The following NIBAN1 variants were observed in gnomAD, a reference collection of about 807,000 sequenced individuals.
The protein encoded by NIBAN1 is protein Niban 1.
A neutral mutation model predicts 75.1 loss-of-function variants in NIBAN1; 81 were observed. The observed-to-expected ratio is 1.08, with a 90% CI of 0.90 to 1.30. NIBAN1 has a LOEUF of 1.30. NIBAN1 is among the 50% of genes most tolerant of loss of function. The probability of loss-of-function intolerance (pLI) is 0.00; values close to 1 mark genes in which losing one functional copy is unlikely to be tolerated. For synonymous variants in NIBAN1, 436 were observed against 424.8 expected, an observed-to-expected ratio of 1.03 and a Z score of -0.32; for missense variants, 1,133 against 1,128.1, an observed-to-expected ratio of 1.00 and a Z score of -0.06.
intron 1 of NIBAN1, among the ~76,000 whole-genome samples, chr1:184,936,344 T>G (rs1459082783): frequency 6.6e-6 from 1 of 152,176 alleles, no homozygotes; most frequent in Non-Finnish European, 1.5e-5. Flanking sequence ...GAGCAAGCTT[T>G]CCAAGGGAAG....
chr1:184,843,731 G>A (rs1655360178), intron 5 of NIBAN1, among the ~76,000 whole-genome samples: 2 of 152,166 alleles, frequency 1.3e-5, no homozygotes, highest in Non-Finnish European at 2.9e-5. Context: ...ATTATTTATG[G>A]AGATGCTGCT....
chr1:184,830,192 G>T (rs934907337), intron 6 of NIBAN1, among the ~76,000 whole-genome samples: 2 of 152,204 alleles, frequency 1.3e-5, no homozygotes, highest in African/African-American at 4.8e-5. Context: ...CATCTCATAA[G>T]ATTGGCAAGA....
In NIBAN1 at chr1:184,823,706, T is replaced by G; in HGVS notation, c.754A>C (p.Thr252Pro). The G allele has an allele frequency of 8.7e-6, 14 of 1,614,120 alleles. No individual in the cohort carries two copies. The highest frequency in any genetic ancestry group is 1.2e-5 in the Non-Finnish European group (14 of 1,179,976). ...TTAGGCAGCAGGTCTGTCTGAAGAG[T>G]GGGCAGGAGCTCCTCCATCACCAGG... ...SNLVMEELLPTLQTDLLPKMK... is the reference protein window; with the variant it reads ...SNLVMEELLPPLQTDLLPKMK... Residue 252 changes from threonine to proline, a missense_variant, in exon 7 of 14, where the codon ACT becomes CCT. Transcript: ENST00000367511.
chr1:184,922,728 T>C (rs1571576568), intron 1 of NIBAN1, among the ~76,000 whole-genome samples: 1 of 152,188 alleles, frequency 6.6e-6, no homozygotes, highest in Non-Finnish European at 1.5e-5. Context: ...TGCCTCAGCC[T>C]CCCAAGTAGC....
chr1:184,894,324 G>T, intron 2 of NIBAN1, 118 bp from the exon 3 acceptor site: 1 of 1,134,880 alleles, frequency 8.8e-7, no homozygotes, highest in East Asian at 3.0e-5. Flanking sequence ...CTGAGATCCT[G>T]GGGAAACTGT....
intron 1 of NIBAN1, among the ~76,000 whole-genome samples, chr1:184,921,503 C>CA (rs1404971819): frequency 1.3e-5 from 2 of 152,086 alleles, no homozygotes; most frequent in Non-Finnish European, 2.9e-5. Context: ...CCCATAGATA[C>CA]AAATTTTTCC....
chr1:184,907,466 A>G (rs1470571974), intron 1 of NIBAN1, among the ~76,000 whole-genome samples: 1 of 152,200 alleles, frequency 6.6e-6, no homozygotes, highest in Non-Finnish European at 1.5e-5. Flanking sequence ...TAGATTTAAT[A>G]TTTATAAAAG....
chr1:184,887,272 C>T (rs1322430795), intron 4 of NIBAN1, among the ~76,000 whole-genome samples: 1 of 152,110 alleles, frequency 6.6e-6, no homozygotes, highest in African/African-American at 2.4e-5. Flanking sequence ...CAGGACCTAG[C>T]ACAATGCTGG....
chr1:184,816,291 C>T (rs533893497), intron 9 of NIBAN1, among the ~76,000 whole-genome samples: 1 of 152,270 alleles, frequency 6.6e-6, no homozygotes, highest in South Asian at 2.1e-4. Context: ...TTGCATGTAG[C>T]CATCTCTAGG....
At position 184,831,717 on chromosome 1, in the gene NIBAN1, G is replaced by T. The variant is rs868032488; in HGVS notation, c.717+130C>A. 124 of 665,938 alleles carry T rather than the reference G, an allele frequency of 1.9e-4. 1 individual carries two copies. Among genetic ancestry groups the T allele is most frequent in the South Asian group, 1.5e-3 (79 of 52,534 alleles). The allele number at this position is 665,938 out of a possible 1,614,324, so 41.3% of individuals were successfully genotyped here. On this transcript the variant is annotated intron_variant, in intron 6 of 13. Coordinates refer to ENST00000367511, the MANE Select transcript of NIBAN1 (RefSeq NM_052966.4). ...GACCAATGCTTGCAGACATGAGAGAGATGGTCTTTGGAACCACATCTTCCA... is the reference window on the plus strand; with the variant it reads ...GACCAATGCTTGCAGACATGAGAGATATGGTCTTTGGAACCACATCTTCCA...
At chr1:184,917,202 CT>C (rs34437861) in intron 1 of NIBAN1, among the ~76,000 whole-genome samples, 59,177 of 137,380 alleles carry the variant, frequency 0.43, 12,609 homozygotes, top group South Asian at 0.53. Flanking sequence ...ATCTCTTCCA[CT>C]TTTTTTTTTT....
At chr1:184,897,779 A>G (rs183244100) in intron 2 of NIBAN1, among the ~76,000 whole-genome samples, 1 of 152,338 alleles carries the variant, frequency 6.6e-6, no homozygotes, top group African/African-American at 2.4e-5. Flanking sequence ...CCAAGAAGTC[A>G]TCACTGATTT....
chr1:184,924,967 C>T (rs1406127962), intron 1 of NIBAN1, among the ~76,000 whole-genome samples: 1 of 151,848 alleles, frequency 6.6e-6, no homozygotes, highest in African/African-American at 2.4e-5. Context: ...TTTCAAAAAC[C>T]CCACTTTTTG....
At chr1:184,803,494 G>C in intron 12 of NIBAN1, 91 bp downstream of exon 12, 1 of 947,356 alleles carries the variant, frequency 1.1e-6, no homozygotes, top group South Asian at 1.4e-5. Context: ...CCCTGGTCTA[G>C]TCTGCTGTTT....
chr1:184,949,119 C>T (rs564992449), intron 1 of NIBAN1, among the ~76,000 whole-genome samples: 39 of 152,034 alleles, frequency 2.6e-4, no homozygotes, highest in East Asian at 2.5e-3. Flanking sequence ...TTTGGGAGGC[C>T]GAGGCGGGCG....
In NIBAN1 at chr1:184,795,457, G is replaced by C; in HGVS notation, c.2307C>G (p.Ser769Arg). 1 of 1,609,070 alleles carries C rather than the reference G, an allele frequency of 6.2e-7. No homozygotes were observed. The highest frequency in any genetic ancestry group is 8.5e-7 in the Non-Finnish European group (1 of 1,177,630). The stretch of plus-strand genomic sequence containing the variant: ...GACAGGGAGGTTGGGCCTCCCTCTC[G>C]CTGACTTCACTTTCTTCACAGTTGT... ...HPDNCEESEV[S>R]EREAQPPCPE... Residue 769 changes from serine (S) to arginine (R), a missense_variant, in exon 14 of 14, where the codon AGC becomes AGG. Coordinates refer to ENST00000367511, the MANE Select transcript of NIBAN1 (RefSeq NM_052966.4).
At chr1:184,885,419 C>T (rs1451276451) in intron 4 of NIBAN1, among the ~76,000 whole-genome samples, 4 of 152,190 alleles carry the variant, frequency 2.6e-5, no homozygotes, top group African/African-American at 4.8e-5. Context: ...AAGCGAGCCA[C>T]CTGACTTTGC....
intron 1 of NIBAN1, among the ~76,000 whole-genome samples, chr1:184,902,544 C>T (rs1242883190): frequency 6.6e-6 from 1 of 152,086 alleles, no homozygotes; most frequent in African/African-American, 2.4e-5. Context: ...AGGATAAAGT[C>T]CTCAAGCTGA....
chr1:184,953,481 C>T (rs1658408791), intron 1 of NIBAN1, among the ~76,000 whole-genome samples: 1 of 152,198 alleles, frequency 6.6e-6, no homozygotes, highest in Non-Finnish European at 1.5e-5. Context: ...GAAACTTATG[C>T]TCATTTGCAA....
Sources: allele counts gnomAD v4.1 joint callset (sites outside exome capture counted in the v4.1 genomes callset), GRCh38; gene constraint gnomAD v4.1.1; transcripts MANE v1.5; gene names NCBI Gene and HGNC (gene_info 2026-07-23, HGNC 2026-07-21).